Variants in COL16A1 observed in about 807,000 individuals in gnomAD.
The protein encoded by COL16A1 is collagen alpha-1(XVI) chain.
A neutral mutation model predicts 266.3 loss-of-function variants in COL16A1; 189 were observed. That is an observed-to-expected ratio of 0.71 (90% CI 0.63 to 0.80). COL16A1 has a LOEUF of 0.80. Ranked by LOEUF, COL16A1 falls within the 30% of genes least tolerant of loss-of-function variation. The pLI is 0.00. For synonymous variants in COL16A1, 740 were observed against 782.3 expected (o/e 0.95, Z 0.90); for missense variants, 1,928 against 2,122.4 (o/e 0.91, Z 1.80).
In COL16A1 at chr1:31,693,125, A is replaced by G. The variant is rs769594346; in HGVS notation, c.1038T>C (p.Gly346=). The change falls in exon 13 of 71, where the codon GGT becomes GGC. Residue 346 remains glycine, a synonymous_variant. Coordinates refer to ENST00000373672, the MANE Select transcript of COL16A1 (RefSeq NM_001856.4). ...KGGKGERGLP[G]PPGSKGEKGA... ...CCTTCTCTCCCTTGGAGCCTGGTGG[A>G]CCAGGCAGGCCCCGCTCACCTTTCC... 3 of 1,612,220 alleles carry G rather than the reference A, an allele frequency of 1.9e-6. No homozygotes were observed. The highest frequency in any genetic ancestry group is 2.5e-6 in the Non-Finnish European group (3 of 1,178,572).
At chr1:31,665,773 G>T in intron 54 of COL16A1, 109 bp downstream of exon 54, 8 of 1,600,976 alleles carry the variant, frequency 5.0e-6, no homozygotes, top group Middle Eastern at 1.7e-4. Context: ...CTGGGCATGA[G>T]GTAGGTCACA....
intron 57 of COL16A1, 78 bp downstream of exon 57, chr1:31,662,509 A>G: frequency 1.3e-6 from 2 of 1,544,028 alleles, no homozygotes. Flanking sequence ...ACACACACAC[A>G]GGTGCACACA....
rs768635580 is a variant in COL16A1 at position 31,672,723 on chromosome 1, C to G, written c.2976+1G>C. ...GGGCAGCCCCAAGCCCAGTCCCTTACCTGGGCGCAGTTGTCGAGGCCTGGC... is the reference window on the plus strand; with the variant it reads ...GGGCAGCCCCAAGCCCAGTCCCTTAGCTGGGCGCAGTTGTCGAGGCCTGGC... On this transcript the variant is annotated splice_donor_variant, in intron 45 of 70. Coordinates refer to ENST00000373672, the MANE Select transcript of COL16A1 (RefSeq NM_001856.4). LOFTEE classifies it high-confidence loss of function. 3.7e-6 allele frequency: 6 copies of G among 1,613,776 alleles called. No homozygotes were observed. In the South Asian group the frequency reaches 6.6e-5, roughly 18 times the overall value.
rs548546890 is a variant in COL16A1, at chr1:31,695,370, C to T, written c.946-149G>A. 135 of 778,450 alleles carry T rather than the reference C, an allele frequency of 1.7e-4. No homozygotes were observed. The African/African-American group carries it at 2.1e-3, about 12-fold the overall frequency. The allele number at this position is 778,450 out of a possible 1,614,324, so 48.2% of individuals were successfully genotyped here. A position where few individuals can be genotyped will look rare whatever the true frequency, so the allele number is the denominator to read the frequency against. ...AAGATAGGAATCCTATAAAACAAGC[C>T]TCACCCCTCATTTCCCACCCACCCA... On this transcript the variant is annotated intron_variant, in intron 10 of 70. Transcript: ENST00000373672.
At position 31,656,979 on chromosome 1, in the gene COL16A1, G is replaced by A; in HGVS notation, c.4056+54C>T. The A allele has an allele frequency of 6.2e-7, 1 of 1,612,476 alleles. No individual in the cohort carries two copies. The highest frequency in any genetic ancestry group is 8.5e-7 in the Non-Finnish European group (1 of 1,178,498). On this transcript the variant is annotated intron_variant, in intron 65 of 70. Transcript: ENST00000373672. The surrounding 1 kb of genome is among the most constrained non-coding windows in gnomAD (Gnocchi z 4.2). ...AAAAAATGAAGAGGGGTCAGGGCAA[G>A]GCGAGGAGCAAGAAGCACCCCCAAG...
Position 31,688,126 on chromosome 1 carries a change from C to A in COL16A1, c.1803+341G>T, listed in dbSNP as rs1273830757. On this transcript the variant is annotated intron_variant, in intron 26 of 70. Transcript: ENST00000373672. This position sits in a 1 kb window ranked among gnomAD's most constrained non-coding sequence, Gnocchi z 4.9. The stretch of plus-strand genomic sequence containing the variant: ...ACATACCCCATAAACTCTGGGAGGA[C>A]AAAACAAGTGAATATACTTACAAGA... 6.6e-6 allele frequency among the ~76,000 whole-genome samples: 1 copy of A among 151,952 alleles called. No individual in the cohort carries two copies. The highest frequency in any genetic ancestry group is 1.9e-4 in the East Asian group (1 of 5,186).
Position 31,680,117 on chromosome 1 carries a change from C to G in COL16A1, c.2611-16G>C, listed in dbSNP as rs765274258. On this transcript the variant is annotated splice_polypyrimidine_tract_variant and intron_variant, in intron 39 of 70. Coordinates refer to ENST00000373672, the MANE Select transcript of COL16A1 (RefSeq NM_001856.4). ...CTGGCTCACCCTGAAAATACAAGAG[C>G]CTTTGTGAGACATGGATGAAGACGA... 3.7e-6 allele frequency: 6 copies of G among 1,611,636 alleles called. No individual in the cohort carries two copies. The highest frequency in any genetic ancestry group is 2.2e-5 in the East Asian group (1 of 44,812).
chr1:31,653,248 C>T (rs983092083), intron 70 of COL16A1, among the ~76,000 whole-genome samples: 4 of 152,232 alleles, frequency 2.6e-5, no homozygotes, highest in Non-Finnish European at 4.4e-5. Context: ...TATAGCCAAA[C>T]ATTCATCGTA....
At chr1:31,684,728 G>A in intron 30 of COL16A1, 93 bp downstream of exon 30, 1 of 1,609,790 alleles carries the variant, frequency 6.2e-7, no homozygotes, top group South Asian at 1.1e-5. Flanking sequence ...TGCCGGGGCT[G>A]AGGGTTGGGG....
Position 31,670,477 on chromosome 1 carries a change from G to A in COL16A1, c.3195+125C>T, listed in dbSNP as rs554675939. The A allele has an allele frequency of 3.1e-5, 38 of 1,219,094 alleles. No homozygotes were observed. Among genetic ancestry groups the A allele is most frequent in the Non-Finnish European group, 3.4e-5 (32 of 946,458 alleles). 75.5% of individuals were successfully genotyped at this position (1,219,094 alleles called of 1,614,324 possible). On this transcript the variant is annotated intron_variant, in intron 49 of 70. Coordinates refer to ENST00000373672, the MANE Select transcript of COL16A1 (RefSeq NM_001856.4). This position sits in a 1 kb window ranked among gnomAD's most constrained non-coding sequence, Gnocchi z 4.5. ...CAGAGAACCCGTGTCGTTAGCTACC[G>A]TGCCTGAAGGGGGACAACAAACACG...
rs760021335 is a variant in COL16A1 at position 31,653,944 on chromosome 1, C to G, written c.4457G>C (p.Arg1486Thr). The change falls in exon 69 of 71, where the codon AGG (arginine) becomes ACG (threonine). Residue 1486 changes from arginine (R) to threonine (T), a missense_variant. Transcript: ENST00000373672. The part of the protein sequence containing the change: ...GPPGKDGAPG[R>T]PGAPGSPGLP... ...CCCAGGTGACCCTGGAGCACCTGGCCTGCCCGGAGCACCATCCTTCCCTGG... is the reference window on the plus strand; with the variant it reads ...CCCAGGTGACCCTGGAGCACCTGGCGTGCCCGGAGCACCATCCTTCCCTGG... The G allele has an allele frequency of 3.1e-6, 5 of 1,614,214 alleles. No individual in the cohort carries two copies. Among genetic ancestry groups the G allele is most frequent in the Non-Finnish European group, 4.2e-6 (5 of 1,180,032 alleles).
chr1:31,658,703 G>C lies in COL16A1; in HGVS notation c.3931-126C>G. 10 of 1,056,910 alleles carry C rather than the reference G, an allele frequency of 9.5e-6. No individual in the cohort carries two copies. The South Asian group carries it at 1.4e-4, about 15-fold the overall frequency. The allele number at this position is 1,056,910 out of a possible 1,614,324, so 65.5% of individuals were successfully genotyped here. Reference sequence around the variant, plus strand: ...GGGAGAGGTGGCACTGCCTGAACTTGCAGCAGGACTCTGAGATGACCTCCA... The same window carrying C: ...GGGAGAGGTGGCACTGCCTGAACTTCCAGCAGGACTCTGAGATGACCTCCA... On this transcript the variant is annotated intron_variant, in intron 63 of 70. Transcript: ENST00000373672.
Position 31,660,633 on chromosome 1 carries a change from T to C in COL16A1, c.3831A>G (p.Glu1277=). 1 of 1,614,022 alleles carries C rather than the reference T, an allele frequency of 6.2e-7. No homozygotes were observed. Among genetic ancestry groups the C allele is most frequent in the Non-Finnish European group, 8.5e-7 (1 of 1,179,972 alleles). Residue 1277 remains glutamate (E), a synonymous_variant, in exon 62 of 71, where the codon GAA becomes GAG. Coordinates refer to ENST00000373672, the MANE Select transcript of COL16A1 (RefSeq NM_001856.4). ...TTCCCTGGGGTCCCATGGCACCAGG[T>C]TCACCCTGCAGGAGCCAGAAAAAGG... The part of the protein sequence containing the change: ...GSTGRPGAEG[E]PGAMGPQGRP...
chr1:31,684,767 A>AG lies in COL16A1; in HGVS notation c.2052+53dup, dbSNP rs1643888794. 3 of 1,613,534 alleles carry AG rather than the reference A, an allele frequency of 1.9e-6. No individual in the cohort carries two copies. In the South Asian group the frequency reaches 3.3e-5, roughly 18 times the overall value. On this transcript the variant is annotated intron_variant, in intron 30 of 70. Transcript: ENST00000373672. ...AGGGAGGGAGGAAAATGAGGCAAGG[A>AG]GGGGATCTGAGATGATGCCATGCCC...
In COL16A1 at chr1:31,663,053, T is replaced by TC; in HGVS notation, c.3556-396dup. On this transcript the variant is annotated intron_variant, in intron 56 of 70. Coordinates refer to ENST00000373672, the MANE Select transcript of COL16A1 (RefSeq NM_001856.4). This position sits in a 1 kb window ranked among gnomAD's most constrained non-coding sequence, Gnocchi z 4.9. ...TCCTCCCCACCTACCTCCCTACCTT[T>TC]CCCCCCATCCCAGCAGACATGGGCC... The TC allele has an allele frequency of 4.2e-6, 1 of 239,000 alleles. No homozygotes were observed. Among genetic ancestry groups the TC allele is most frequent in the East Asian group, 1.0e-4 (1 of 9,968 alleles). 14.8% of individuals were successfully genotyped at this position (239,000 alleles called of 1,614,324 possible). A position where few individuals can be genotyped will look rare whatever the true frequency, so the allele number is the denominator to read the frequency against.
chr1:31,652,547 C>T lies in COL16A1; in HGVS notation c.*104G>A, dbSNP rs1332878364. ...AAAAAATATTAACAGCAATTAAAAA[C>T]AACAACAACAACAAAAAAAACATTC... is the stretch of plus-strand genomic sequence containing the variant. On this transcript the variant is annotated 3_prime_UTR_variant, in exon 71 of 71. Transcript: ENST00000373672. This position sits in a 1 kb window ranked among gnomAD's most constrained non-coding sequence, Gnocchi z 4.8. 1 of 1,242,220 alleles carries T rather than the reference C, an allele frequency of 8.1e-7. No individual in the cohort carries two copies. The highest frequency in any genetic ancestry group is 1.6e-5 in the African/African-American group (1 of 64,440). 76.9% of individuals were successfully genotyped at this position (1,242,220 alleles called of 1,614,324 possible). A position where few individuals can be genotyped will look rare whatever the true frequency, so the allele number is the denominator to read the frequency against.
chr1:31,692,885 C>G, intron 13 of COL16A1, 77 bp from the exon 14 acceptor site: 1 of 1,399,864 alleles, frequency 7.1e-7, no homozygotes, highest in South Asian at 1.2e-5. Flanking sequence ...GAGGATCGGC[C>G]CGGGAACCCC....
chr1:31,701,357 C>T (rs1304525470), intron 2 of COL16A1: 34 of 985,246 alleles, frequency 3.5e-5, no homozygotes, highest in Non-Finnish European at 3.9e-5. Context: ...CACATATGTG[C>T]ACATACAAGG....
At chr1:31,669,633 A>G (rs759776431) in intron 49 of COL16A1, among the ~76,000 whole-genome samples, 1 of 151,956 alleles carries the variant, frequency 6.6e-6, no homozygotes, top group Non-Finnish European at 1.5e-5. Flanking sequence ...CCGGCCACAG[A>G]TGAGGACGTG....
Sources: allele counts gnomAD v4.1 joint callset (sites outside exome capture counted in the v4.1 genomes callset), GRCh38; gene constraint gnomAD v4.1.1; non-coding constraint Gnocchi (gnomAD v3.1); transcripts MANE v1.5; gene names NCBI Gene and HGNC (gene_info 2026-07-23, HGNC 2026-07-21).